The following POLE2 variants were observed in gnomAD, a reference collection of about 807,000 sequenced individuals.
POLE2 encodes the protein DNA polymerase epsilon 2, accessory subunit.
A neutral mutation model predicts 79.4 loss-of-function variants in POLE2; 56 were observed. That is an observed-to-expected ratio of 0.71 (90% CI 0.57 to 0.88). POLE2 has a LOEUF of 0.88. Among genes scored for constraint, POLE2 ranks in the 40% least tolerant of loss-of-function variants. The pLI, the probability that POLE2 is intolerant of heterozygous loss-of-function variation, is 0.00. For missense variants in POLE2, 598 were observed against 638.9 expected (o/e 0.94, Z 0.69); for synonymous variants, 212 against 214.0 (o/e 0.99, Z 0.08).
At chr14:49,671,753 G>A (rs928432141) in intron 5 of POLE2, among the ~76,000 whole-genome samples, 1 of 151,598 alleles carries the variant, frequency 6.6e-6, no homozygotes, top group Admixed American at 6.6e-5. Context: ...TCAGGAGTTC[G>A]AGACCAGCCT....
At chr14:49,644,182 A>G (rs1239952589) in intron 18 of POLE2, among the ~76,000 whole-genome samples, 1 of 148,246 alleles carries the variant, frequency 6.7e-6, no homozygotes, top group Non-Finnish European at 1.5e-5. Context: ...GCGCCCGGCC[A>G]ACAACTATAT....
At chr14:49,656,583 C>T (rs2139629027) in intron 10 of POLE2, among the ~76,000 whole-genome samples, 1 of 152,182 alleles carries the variant, frequency 6.6e-6, no homozygotes, top group African/African-American at 2.4e-5. Context: ...AATTATTCAA[C>T]GGTTCCTTCA....
chr14:49,676,500 G>T (rs564025979), intron 3 of POLE2, among the ~76,000 whole-genome samples: 1 of 152,324 alleles, frequency 6.6e-6, no homozygotes, highest in African/African-American at 2.4e-5. Context: ...CTCTACTGTG[G>T]TATGATATAA....
At chr14:49,682,640 GA>G (rs35984833) in intron 2 of POLE2, among the ~76,000 whole-genome samples, 7,652 of 60,950 alleles carry the variant, frequency 0.13, 220 homozygotes, top group Non-Finnish European at 0.19. Flanking sequence ...CCTTCTCAGG[GA>G]AAAAAAAAAA....
chr14:49,657,595 C>T (rs1884788844), intron 10 of POLE2, among the ~76,000 whole-genome samples: 1 of 152,010 alleles, frequency 6.6e-6, no homozygotes, highest in African/African-American at 2.4e-5. Flanking sequence ...CACATGCCAC[C>T]GCATCCAGCC....
In POLE2 at chr14:49,655,103, TA is replaced by T. The variant is rs768436932; in HGVS notation, c.929-10del. The T allele has an allele frequency of 1.4e-6, 2 of 1,398,178 alleles. No individual in the cohort carries two copies. Among genetic ancestry groups the T allele is most frequent in the South Asian group, 1.5e-5 (1 of 66,548 alleles). The allele number at this position is 1,398,178 out of a possible 1,614,324, so 86.6% of individuals were successfully genotyped here. On this transcript the variant is annotated splice_polypyrimidine_tract_variant and intron_variant, in intron 11 of 18. Coordinates refer to ENST00000216367, the MANE Select transcript of POLE2 (RefSeq NM_002692.4). ...AGGTGCTGGTGAATAACCTAAACAA[TA>T]AAAGAGTAAATGAACAATACTTTTC... is the stretch of plus-strand genomic sequence containing the variant.
chr14:49,664,817 T>C (rs1227921006), intron 8 of POLE2, 143 bp from the exon 9 acceptor site: 3 of 625,288 alleles, frequency 4.8e-6, no homozygotes, highest in Non-Finnish European at 8.5e-6. Context: ...TAGAAAGAGC[T>C]TAAAAAATTT....
chr14:49,650,168 A>T, intron 17 of POLE2, 97 bp downstream of exon 17: 1 of 609,794 alleles, frequency 1.6e-6, no homozygotes, highest in Non-Finnish European at 2.4e-6. Flanking sequence ...GCATATTTTT[A>T]CTTCGACAAT....
intron 2 of POLE2, among the ~76,000 whole-genome samples, chr14:49,683,305 G>A (rs114555009): frequency 3.9e-4 from 60 of 152,146 alleles, no homozygotes; most frequent in Middle Eastern, 3.4e-3. Flanking sequence ...GTGAGGCTGA[G>A]ACAAGAAAAT....
intron 7 of POLE2, 27 bp downstream of exon 7, chr14:49,666,303 A>G (rs1439552318): frequency 8.3e-7 from 1 of 1,200,032 alleles, no homozygotes; most frequent in Non-Finnish European, 1.2e-6. Context: ...AAGGCCAAAA[A>G]TAAAAGTTTG....
rs1884409325 is a variant in POLE2, at chr14:49,653,253, A to G, written c.1211+737T>C. 2.6e-5 allele frequency among the ~76,000 whole-genome samples: 4 copies of G among 152,238 alleles called. 1 individual carries two copies. The South Asian group carries it at 8.3e-4, about 31-fold the overall frequency. The stretch of plus-strand genomic sequence containing the variant: ...GGTGTCAATACACAGATGATACTTA[A>G]AGCCAGAGGACACTGGAGAAGGCCA... On this transcript the variant is annotated intron_variant, in intron 15 of 18. Transcript: ENST00000216367.
intron 5 of POLE2, among the ~76,000 whole-genome samples, chr14:49,670,317 C>CAAAAAAAAAA (rs61383006): frequency 1.0e-4 from 6 of 59,104 alleles, no homozygotes; most frequent in African/African-American, 4.0e-4. Flanking sequence ...ACTGTGTCTC[C>CAAAAAAAAAA]AAAAAAAAAA....
intron 3 of POLE2, among the ~76,000 whole-genome samples, chr14:49,676,177 C>CA (rs148087890): frequency 1.1e-4 from 17 of 151,662 alleles, no homozygotes; most frequent in East Asian, 5.8e-4. Flanking sequence ...GATGGAAAAC[C>CA]AAAAAAAATT....
intron 10 of POLE2, among the ~76,000 whole-genome samples, chr14:49,658,074 ATCT>A (rs1274939719): frequency 4.8e-5 from 7 of 146,358 alleles, no homozygotes; most frequent in South Asian, 4.2e-4. Flanking sequence ...TCCTCTGGTC[ATCT>A]TTTTTTTTTT....
At chr14:49,684,661 T>TAAAAAAAAA (rs568332625) in intron 1 of POLE2, 1 of 100,316 alleles carries the variant, frequency 1.0e-5, no homozygotes. Context: ...TGACCATCAT[T>TAAAAAAAAA]AAAAAAAAAA....
rs755132837 is a variant in POLE2, at chr14:49,666,364, G to T, written c.542C>A (p.Ala181Glu). 6.5e-7 allele frequency: 1 copy of T among 1,545,066 alleles called. No homozygotes were observed. The highest frequency in any genetic ancestry group is 8.7e-7 in the Non-Finnish European group (1 of 1,144,380). Residue 181 changes from alanine (A) to glutamate (E), a missense_variant, in exon 7 of 19, where the codon GCG (alanine) becomes GAG (glutamate). Ala to Glu is a moderately radical substitution (Grantham distance 107). Transcript: ENST00000216367. ...LLGSTTKIGD[A>E]IVLGMITQLK... ...CTGCGTTATCATTCCAAGAACAATC[G>T]CATCTCCGATTTTGGTTGTACTACC... is the stretch of plus-strand genomic sequence containing the variant.
rs368223418 is a variant in POLE2 at position 49,654,823 on chromosome 14, A to G, written c.1034T>C (p.Leu345Ser). The G allele has an allele frequency of 1.5e-5, 23 of 1,489,294 alleles. No homozygotes were observed. Among genetic ancestry groups the G allele is most frequent in the Non-Finnish European group, 2.0e-5 (22 of 1,123,512 alleles). The allele number at this position is 1,489,294 out of a possible 1,614,324, so 92.3% of individuals were successfully genotyped here. Reference protein sequence around the residue: ...VQALKDSLKTLADIICEYPDI... With the variant: ...VQALKDSLKTSADIICEYPDI... ...TGGGTATTCACATATTATATCTGCC[A>G]AAGTTTTTAGGGAATCTAAAATTTT... The change falls in exon 13 of 19, where the codon TTG becomes TCG. Residue 345 changes from leucine to serine, a missense_variant. Leu to Ser is a moderately radical substitution (Grantham distance 145, BLOSUM62 -2). Coordinates refer to ENST00000216367, the MANE Select transcript of POLE2 (RefSeq NM_002692.4).
chr14:49,656,882 G>A (rs945735197), intron 10 of POLE2, among the ~76,000 whole-genome samples: 1 of 152,140 alleles, frequency 6.6e-6, no homozygotes, highest in Non-Finnish European at 1.5e-5. Context: ...GCCGAGGTGG[G>A]GGGATTGCTT....
In POLE2 at chr14:49,650,357, A is replaced by G. The variant is rs1337334200; in HGVS notation, c.1405T>C (p.Leu469=). The change falls in exon 17 of 19, where the codon TTG becomes CTG. Residue 469 remains leucine, a synonymous_variant. Transcript: ENST00000216367. The stretch of plus-strand genomic sequence containing the variant: ...AGATCGGGCACAGGATACACTCTCA[A>G]AGCATAGTCATATGCCCAATACACT... ...CPVYWAYDYA[L]RVYPVPDLLV... 6.2e-7 allele frequency: 1 copy of G among 1,610,566 alleles called. No homozygotes were observed. Among genetic ancestry groups the G allele is most frequent in the South Asian group, 1.1e-5 (1 of 90,720 alleles).
Sources: gnomAD v4.1 joint callset for allele counts (sites outside exome capture counted in the v4.1 genomes callset) on GRCh38, gnomAD v4.1.1 for gene constraint, MANE v1.5 for transcripts, NCBI Gene and HGNC (gene_info 2026-07-23, HGNC 2026-07-21) for gene names.